TTLL5: variants seen among roughly 807,000 people sequenced by gnomAD.
TTLL5 encodes the protein tubulin polyglutamylase TTLL5.
TTLL5 carries 132 observed loss-of-function variants against 168.4 expected under a neutral mutation model. The observed-to-expected ratio is 0.78, with a 90% CI of 0.68 to 0.91. The LOEUF is 0.91. Ranked by LOEUF, TTLL5 falls within the 40% of genes least tolerant of loss-of-function variation. The pLI, the probability that TTLL5 is intolerant of heterozygous loss-of-function variation, is 0.00. For missense variants in TTLL5, 1,545 were observed against 1,581.5 expected (o/e 0.98, Z 0.39); for synonymous variants, 546 against 558.6 (o/e 0.98, Z 0.32).
At chr14:75,836,395 AGGGTAATGGGGGTTAGG>A (rs1895868579) in intron 28 of TTLL5, among the ~76,000 whole-genome samples, 1 of 135,104 alleles carries the variant, frequency 7.4e-6, no homozygotes, top group Non-Finnish European at 1.6e-5. Context: ...GAGATTGGGA[AGGGTAATGGGGGTTAGG>A]GGTGACAGGG....
chr14:75,822,991 A>G (rs1258257750), intron 28 of TTLL5, among the ~76,000 whole-genome samples: 22 of 152,284 alleles, frequency 1.4e-4, no homozygotes, highest in Admixed American at 1.4e-3. Context: ...TTCAGAGGTA[A>G]TAAGTGAGAT....
chr14:75,679,425 T>A (rs1884430156), intron 3 of TTLL5, among the ~76,000 whole-genome samples: 1 of 152,222 alleles, frequency 6.6e-6, no homozygotes, highest in African/African-American at 2.4e-5. Flanking sequence ...TGCCAATTCC[T>A]TGGTTTTAGC....
Position 75,745,087 on chromosome 14 carries a change from C to G in TTLL5, c.1282-8C>G. ...TTTTTTTTACTATTTTCATTTTCTTCTCCTTAGCGTTGCCGTCCACTCTCT... is the reference window on the plus strand; with the variant it reads ...TTTTTTTTACTATTTTCATTTTCTTGTCCTTAGCGTTGCCGTCCACTCTCT... On this transcript the variant is annotated splice_polypyrimidine_tract_variant and splice_region_variant and intron_variant, in intron 15 of 31. Coordinates refer to ENST00000298832, the MANE Select transcript of TTLL5 (RefSeq NM_015072.5). The G allele has an allele frequency of 2.5e-6, 4 of 1,611,912 alleles. 1 individual carries two copies. Among genetic ancestry groups the G allele is most frequent in the Non-Finnish European group, 3.4e-6 (4 of 1,179,114 alleles).
intron 27 of TTLL5, among the ~76,000 whole-genome samples, chr14:75,806,366 T>C (rs1893654106): frequency 6.6e-6 from 1 of 152,130 alleles, no homozygotes; most frequent in Non-Finnish European, 1.5e-5. Context: ...AGTCTCATCA[T>C]GGTACTCTTC....
Position 75,764,724 on chromosome 14 carries a change from C to T in TTLL5, c.1660C>T (p.Arg554Cys), listed in dbSNP as rs768721194. The T allele has an allele frequency of 1.7e-5, 28 of 1,614,012 alleles. No individual in the cohort carries two copies. The highest frequency in any genetic ancestry group is 4.0e-5 in the African/African-American group (3 of 74,920). The change falls in exon 19 of 32, where the codon CGT becomes TGT. Residue 554 changes from arginine (R) to cysteine (C), a missense_variant. By Grantham distance (180) the Arg-to-Cys change is radical. Transcript: ENST00000298832. ...RKLLSLEVRKRRRRSSRLRAM... is the reference protein window; with the variant it reads ...RKLLSLEVRKCRRRSSRLRAM... ...GCTCCTGTCTCTGGAGGTGCGAAAA[C>T]GTAGACGACGGAGTAGCAGATTGAG...
intron 18 of TTLL5, 120 bp downstream of exon 18, chr14:75,753,075 G>A: frequency 1.1e-6 from 1 of 925,900 alleles, no homozygotes; most frequent in Non-Finnish European, 1.6e-6. Context: ...AGAAAAAAAA[G>A]TCCTGTAGAA....
chr14:75,820,782 G>A (rs1329930266), intron 28 of TTLL5: 2 of 144,030 alleles, frequency 1.4e-5, no homozygotes, highest in Non-Finnish European at 3.0e-5. Context: ...TGGTCTTGCT[G>A]TGTGTTTTAA....
intron 28 of TTLL5, among the ~76,000 whole-genome samples, chr14:75,857,857 G>A (rs763430263): frequency 2.6e-5 from 4 of 151,766 alleles, no homozygotes; most frequent in Non-Finnish European, 5.9e-5. Flanking sequence ...CAACATGTTG[G>A]CCAGACTGGT....
intron 20 of TTLL5, among the ~76,000 whole-genome samples, chr14:75,769,330 C>T (rs752854121): frequency 9.2e-5 from 14 of 152,124 alleles, no homozygotes; most frequent in Admixed American, 2.0e-4. Flanking sequence ...CTCTAAGGAT[C>T]GCGTCATTGT....
chr14:75,764,632 C>G lies in TTLL5; in HGVS notation c.1568C>G (p.Ala523Gly), dbSNP rs1393819034. The G allele has an allele frequency of 6.2e-7, 1 of 1,614,028 alleles. No homozygotes were observed. The highest frequency in any genetic ancestry group is 1.3e-5 in the African/African-American group (1 of 75,022). ...TCCCCTAGAATGACTGCTGATGGAG[C>G]GCCAGAATTGAAGATAGAGAGTCTG... ...LFQDRMTADG[A>G]PELKIESLNS... The change falls in exon 19 of 32, where the codon GCG (alanine) becomes GGG (glycine). Residue 523 changes from alanine (A) to glycine (G), a missense_variant. By Grantham distance (60) the Ala-to-Gly change is moderately conservative (BLOSUM62 0). Coordinates refer to ENST00000298832, the MANE Select transcript of TTLL5 (RefSeq NM_015072.5).
At chr14:75,883,376 A>T (rs1470532112) in intron 30 of TTLL5, among the ~76,000 whole-genome samples, 1 of 152,252 alleles carries the variant, frequency 6.6e-6, no homozygotes, top group Non-Finnish European at 1.5e-5. Context: ...TTAAGTCAAA[A>T]TCCTTCACTG....
chr14:75,743,575 CTTTTTTTTTTTT>C (rs33959405), intron 15 of TTLL5, among the ~76,000 whole-genome samples: 29 of 63,104 alleles, frequency 4.6e-4, no homozygotes, highest in Admixed American at 3.0e-3. Context: ...TGGCATCGCT[CTTTTTTTTTTTT>C]TTTTTTTTTT....
At chr14:75,824,859 T>G (rs1340722021) in intron 28 of TTLL5, among the ~76,000 whole-genome samples, 2 of 152,214 alleles carry the variant, frequency 1.3e-5, no homozygotes, top group Non-Finnish European at 2.9e-5. Context: ...AGGGAATTAT[T>G]CTGAACATAG....
At chr14:75,898,361 G>T (rs545357070) in intron 30 of TTLL5, among the ~76,000 whole-genome samples, 7 of 152,284 alleles carry the variant, frequency 4.6e-5, no homozygotes, top group Middle Eastern at 6.8e-3. Context: ...CATATTTTAG[G>T]CCAGGTGCAG....
chr14:75,732,343 T>A lies in TTLL5; in HGVS notation c.1048T>A (p.Tyr350Asn), dbSNP rs1888599962. ...VPHRSSCFEL[Y>N]GFDVLIDSTL... ...GTGTTGTGTTGTATTTCTAGAACTCTATGGCTTTGACGTGCTCATAGATTC... is the reference window on the plus strand; with the variant it reads ...GTGTTGTGTTGTATTTCTAGAACTCAATGGCTTTGACGTGCTCATAGATTC... Residue 350 changes from tyrosine (Y) to asparagine (N), a missense_variant, in exon 13 of 32, where the codon TAT becomes AAT. By Grantham distance (143) the Tyr-to-Asn change is moderately radical. Coordinates refer to ENST00000298832, the MANE Select transcript of TTLL5 (RefSeq NM_015072.5). The A allele has an allele frequency of 6.2e-7, 1 of 1,613,426 alleles. No homozygotes were observed. Among genetic ancestry groups the A allele is most frequent in the Non-Finnish European group, 8.5e-7 (1 of 1,179,648 alleles).
chr14:75,892,452 G>A (rs1386042793), intron 30 of TTLL5, among the ~76,000 whole-genome samples: 3 of 152,168 alleles, frequency 2.0e-5, no homozygotes, highest in Admixed American at 6.5e-5. Flanking sequence ...CTAAAGCCAC[G>A]CTCATTACTT....
intron 17 of TTLL5, among the ~76,000 whole-genome samples, chr14:75,747,385 G>T (rs192473241): frequency 6.6e-6 from 1 of 151,560 alleles, no homozygotes; most frequent in East Asian, 1.9e-4. Context: ...GTCATTTTGG[G>T]GTCTGTTTCT....
At chr14:75,888,934 C>CAAA (rs2032255161) in intron 30 of TTLL5, among the ~76,000 whole-genome samples, 5 of 23,102 alleles carry the variant, frequency 2.2e-4, no homozygotes, top group African/African-American at 9.4e-4. Flanking sequence ...AGACTGTCTC[C>CAAA]GAAAAAAAAA....
chr14:75,739,635 T>C (rs550892724), intron 15 of TTLL5, among the ~76,000 whole-genome samples: 47 of 152,354 alleles, frequency 3.1e-4, no homozygotes, highest in Middle Eastern at 6.8e-3. Flanking sequence ...TACAGTCCGA[T>C]AGACCTGGAT....
Sources: allele counts gnomAD v4.1 joint callset (sites outside exome capture counted in the v4.1 genomes callset), GRCh38; gene constraint gnomAD v4.1.1; transcripts MANE v1.5; gene names NCBI Gene and HGNC (gene_info 2026-07-23, HGNC 2026-07-21).